The following BCHE variants were observed in gnomAD, a reference collection of about 807,000 sequenced individuals.
The protein encoded by BCHE is butyrylcholinesterase.
A neutral mutation model predicts 51.3 loss-of-function variants in BCHE; 48 were observed. The ratio of observed to expected loss-of-function variants is 0.94; its 90% CI spans 0.74 to 1.19. The LOEUF is 1.19. BCHE is among the 50% of genes most tolerant of loss of function. The probability of loss-of-function intolerance (pLI) is 0.00; values close to 1 mark genes in which losing one functional copy is unlikely to be tolerated. For missense variants in BCHE, 847 were observed against 708.2 expected (o/e 1.20, Z -2.23); for synonymous variants, 251 against 238.0 (o/e 1.05, Z -0.50).
chr3:165,780,776 G>A (rs1474406427), intron 3 of BCHE, among the ~76,000 whole-genome samples: 9 of 152,166 alleles, frequency 5.9e-5, no homozygotes, highest in African/African-American at 9.7e-5. Flanking sequence ...TGCTGGTGAG[G>A]CTGTGGAGAA....
chr3:165,773,613 A>G (rs1712344325), intron 3 of BCHE, 107 bp from the exon 4 acceptor site: 5 of 836,526 alleles, frequency 6.0e-6, no homozygotes, highest in Admixed American at 3.0e-5. Context: ...ACAGTACAGC[A>G]TTATTTTCTT....
chr3:165,784,924 G>A (rs2140086), intron 3 of BCHE, among the ~76,000 whole-genome samples: 12,349 of 151,560 alleles, frequency 0.081, 575 homozygotes, highest in Non-Finnish European at 0.11. Context: ...TTACCTCATC[G>A]TTATTTACAC....
At chr3:165,826,224 T>C (rs1714716266) in intron 2 of BCHE, among the ~76,000 whole-genome samples, 2 of 152,080 alleles carry the variant, frequency 1.3e-5, no homozygotes, top group African/African-American at 4.8e-5. Context: ...AGAATGCTAG[T>C]CATAATATCC....
At chr3:165,797,106 CCCTTCCTTCCTTCTTTCCCTCCCTT>C (rs1339618451) in intron 2 of BCHE, among the ~76,000 whole-genome samples, 1 of 150,414 alleles carries the variant, frequency 6.6e-6, no homozygotes, top group Non-Finnish European at 1.5e-5. Context: ...CTTTTTCTTT[CCCTTCCTTCCTTCTTTCCCTCCCTT>C]CCTTCCTTCC....
rs1384847806 is a variant in BCHE, at chr3:165,773,123, G to C, written c.*259C>G. ...AATTTATTAAGGAAAGAAAGAAATT[G>C]AACCAGGCCATTGTTTTAATATGCA... is the stretch of plus-strand genomic sequence containing the variant. On this transcript the variant is annotated 3_prime_UTR_variant, in exon 4 of 4. Transcript: ENST00000264381. The C allele has an allele frequency of 1.3e-5, 4 of 297,702 alleles. No individual in the cohort carries two copies. In the East Asian group the frequency reaches 2.7e-4, roughly 20 times the overall value. The allele number at this position is 297,702 out of a possible 1,614,324, so 18.4% of individuals were successfully genotyped here. A position where few individuals can be genotyped will look rare whatever the true frequency, so the allele number is the denominator to read the frequency against.
intron 2 of BCHE, among the ~76,000 whole-genome samples, chr3:165,818,211 AC>A: frequency 6.6e-6 from 1 of 152,038 alleles, no homozygotes. Flanking sequence ...AAAATATGAA[AC>A]AAAGCATATA....
At position 165,830,831 on chromosome 3, in the gene BCHE, C is replaced by T; in HGVS notation, c.203G>A (p.Arg68Lys). The T allele has an allele frequency of 1.2e-6, 2 of 1,613,920 alleles. No individual in the cohort carries two copies. Among genetic ancestry groups the T allele is most frequent in the Admixed American group, 1.7e-5 (1 of 59,950 alleles). Residue 68 changes from arginine to lysine, a missense_variant, in exon 2 of 4, where the codon AGA becomes AAA. Coordinates refer to ENST00000264381, the MANE Select transcript of BCHE (RefSeq NM_000055.4). Reference protein sequence around the residue: ...GIPYAQPPLGRLRFKKPQSLT... With the variant: ...GIPYAQPPLGKLRFKKPQSLT... ...AGACTGTGGCTTTTTGAATCGAAGT[C>T]TACCAAGAGGTGGCTGTGCATAGGG...
intron 2 of BCHE, among the ~76,000 whole-genome samples, chr3:165,800,315 G>T (rs1317047565): frequency 6.6e-6 from 1 of 151,980 alleles, no homozygotes; most frequent in Non-Finnish European, 1.5e-5. Context: ...TCTGGACAAG[G>T]TCATTCCAAT....
In BCHE at chr3:165,774,760, C is replaced by T. The variant is rs866557957; in HGVS notation, c.1685-1254G>A. 3.9e-5 allele frequency among the ~76,000 whole-genome samples: 6 copies of T among 152,196 alleles called. No homozygotes were observed. The South Asian group carries it at 1.2e-3, about 32-fold the overall frequency. On this transcript the variant is annotated intron_variant, in intron 3 of 3. Coordinates refer to ENST00000264381, the MANE Select transcript of BCHE (RefSeq NM_000055.4). ...ATAATTCCTGCTTTCAAGTAGTTTG[C>T]AAAGTATATGCATGTGTTAGGAGAA...
At chr3:165,805,666 GATC>G (rs1273261456) in intron 2 of BCHE, among the ~76,000 whole-genome samples, 9 of 152,088 alleles carry the variant, frequency 5.9e-5, no homozygotes, top group Admixed American at 5.9e-4. Flanking sequence ...TAAACATAAA[GATC>G]ATATTTTTAA....
intron 1 of BCHE, among the ~76,000 whole-genome samples, chr3:165,831,557 T>G (rs891639482): frequency 2.6e-5 from 4 of 152,202 alleles, no homozygotes; most frequent in Non-Finnish European, 5.9e-5. Context: ...TCTGTTTTCC[T>G]TGTCTTTTCT....
chr3:165,798,087 T>C (rs1329893022), intron 2 of BCHE, among the ~76,000 whole-genome samples: 1 of 152,186 alleles, frequency 6.6e-6, no homozygotes, highest in African/African-American at 2.4e-5. Flanking sequence ...ATGTCTGTTT[T>C]TTTGACTCTT....
At chr3:165,782,658 G>A (rs535987347) in intron 3 of BCHE, among the ~76,000 whole-genome samples, 5 of 152,088 alleles carry the variant, frequency 3.3e-5, no homozygotes, top group African/African-American at 1.2e-4. Context: ...CATTCAGACT[G>A]CCATAACAAA....
Position 165,829,751 on chromosome 3 carries a change from C to T in BCHE, c.1283G>A (p.Cys428Tyr), listed in dbSNP as rs149097236. Residue 428 changes from cysteine to tyrosine, a missense_variant, in exon 2 of 4, where the codon TGC becomes TAC. Coordinates refer to ENST00000264381, the MANE Select transcript of BCHE (RefSeq NM_000055.4). ...GDVVGDYNFI[C>Y]PALEFTKKFS... ...CTTCTTGGTGAACTCCAAGGCAGGG[C>T]ATATGAAATTATAATCCCCAACAAC... 45 of 1,613,730 alleles carry T rather than the reference C, an allele frequency of 2.8e-5. No homozygotes were observed. In the African/African-American group the frequency reaches 5.7e-4, roughly 21 times the overall value.
At chr3:165,835,903 G>T (rs1715171549) in intron 1 of BCHE, among the ~76,000 whole-genome samples, 1 of 151,560 alleles carries the variant, frequency 6.6e-6, no homozygotes, top group Admixed American at 6.6e-5. Context: ...TTAACATCTG[G>T]GACCGTCTAA....
rs199567692 is a variant in BCHE at position 165,773,088 on chromosome 3, G to A, written c.*294C>T. On this transcript the variant is annotated 3_prime_UTR_variant, in exon 4 of 4. Coordinates refer to ENST00000264381, the MANE Select transcript of BCHE (RefSeq NM_000055.4). ...AGCAGAGCACTGATAATTTTGGGGG[G>A]AAAAACTTAAATTTATTAAGGAAAG... is the stretch of plus-strand genomic sequence containing the variant. 4 of 235,380 alleles carry A rather than the reference G, an allele frequency of 1.7e-5. No homozygotes were observed. Among genetic ancestry groups the A allele is most frequent in the South Asian group, 7.8e-5 (1 of 12,770 alleles). 14.6% of individuals were successfully genotyped at this position (235,380 alleles called of 1,614,324 possible). A position where few individuals can be genotyped will look rare whatever the true frequency, so the allele number is the denominator to read the frequency against.
chr3:165,786,874 T>A (rs1019639169), intron 2 of BCHE, among the ~76,000 whole-genome samples: 2 of 151,862 alleles, frequency 1.3e-5, no homozygotes, highest in Non-Finnish European at 3.0e-5. Context: ...TAATTAAAAA[T>A]CTTTCAATAA....
intron 3 of BCHE, among the ~76,000 whole-genome samples, chr3:165,783,988 T>C (rs144971718): frequency 8.5e-5 from 13 of 152,132 alleles, no homozygotes; most frequent in African/African-American, 3.1e-4. Flanking sequence ...GAACATTTAT[T>C]GCTCAAACGT....
intron 2 of BCHE, among the ~76,000 whole-genome samples, chr3:165,791,905 G>T (rs1250142070): frequency 6.6e-6 from 1 of 151,738 alleles, no homozygotes; most frequent in African/African-American, 2.4e-5. Context: ...CTGAGATCTT[G>T]CCACTGACTC....
Sources: gnomAD v4.1 joint callset for allele counts (sites outside exome capture counted in the v4.1 genomes callset) on GRCh38, gnomAD v4.1.1 for gene constraint, MANE v1.5 for transcripts, NCBI Gene and HGNC (gene_info 2026-07-23, HGNC 2026-07-21) for gene names.